PCDHA11: variants seen among roughly 807,000 people sequenced by gnomAD.
The protein encoded by PCDHA11 is protocadherin alpha-11.
A neutral mutation model predicts 70.3 loss-of-function variants in PCDHA11; 61 were observed. That is an observed-to-expected ratio of 0.87 (90% CI 0.71 to 1.07). The LOEUF (loss-of-function observed/expected upper bound fraction) is 1.07, where lower values mean the gene tolerates loss of function less well. Ranked by LOEUF, PCDHA11 falls within the 50% of genes least tolerant of loss-of-function variation. PCDHA11 has a pLI of 0.00. For synonymous variants in PCDHA11, 633 were observed against 555.1 expected (o/e 1.14, Z -1.97); for missense variants, 1,324 against 1,237.5 (o/e 1.07, Z -1.05).
At chr5:140,928,927 G>T (rs1359556123) in intron 1 of PCDHA11, 1 of 1,613,982 alleles carries the variant, frequency 6.2e-7, no homozygotes, top group Non-Finnish European at 8.5e-7. Context: ...GCAGCTTTCT[G>T]CCCAGAACTT....
chr5:140,906,194 A>C (rs543979654), intron 1 of PCDHA11, among the ~76,000 whole-genome samples: 6 of 152,288 alleles, frequency 3.9e-5, no homozygotes, highest in African/African-American at 1.2e-4. Context: ...AATCCAATCA[A>C]GTTGACACTC....
intron 1 of PCDHA11, chr5:140,967,828 CATCGTGG>C: frequency 6.2e-7 from 1 of 1,614,146 alleles, no homozygotes. Flanking sequence ...TGCTGGTGGA[CATCGTGG>C]ACGTGAATGA....
chr5:140,881,269 GAAGT>G (rs1235494766), intron 1 of PCDHA11: 1 of 648,656 alleles, frequency 1.5e-6, no homozygotes, highest in African/African-American at 2.0e-5. Context: ...CAGTGATGAT[GAAGT>G]AAGATGGAGA....
chr5:140,966,945 A>C, intron 1 of PCDHA11: 1 of 1,603,804 alleles, frequency 6.2e-7, no homozygotes, highest in Non-Finnish European at 8.5e-7. Context: ...CTCGTGGGCA[A>C]CGTGGCTCGC....
Position 140,869,913 on chromosome 5 carries a change from C to G in PCDHA11, c.810C>G (p.Asp270Glu). The G allele has an allele frequency of 6.2e-7, 1 of 1,610,754 alleles. No individual in the cohort carries two copies. Among genetic ancestry groups the G allele is most frequent in the Non-Finnish European group, 8.5e-7 (1 of 1,178,352 alleles). The part of the protein sequence containing the change: ...LVLKLNATDR[D>E]EGVNGEVTYS... ...TCAAACTAAACGCCACAGACCGAGA[C>G]GAAGGAGTCAATGGAGAGGTAACAT... Residue 270 changes from aspartate to glutamate, a missense_variant, in exon 1 of 4, where the codon GAC becomes GAG. Coordinates refer to ENST00000398640, the MANE Select transcript of PCDHA11 (RefSeq NM_018902.5).
At chr5:140,967,301 G>T in intron 1 of PCDHA11, 2 of 1,612,148 alleles carry the variant, frequency 1.2e-6, no homozygotes, top group Middle Eastern at 1.7e-4. Flanking sequence ...CGACGTGGGC[G>T]CCAACTCAGT....
In PCDHA11 at chr5:140,923,554, G is replaced by T. The variant is rs117642898; in HGVS notation, c.2391+52060G>T. Among the ~76,000 whole-genome samples the T allele has an allele frequency of 6.2e-4, 95 of 152,226 alleles. No individual in the cohort carries two copies. The East Asian group carries it at 0.017, about 28-fold the overall frequency. On this transcript the variant is annotated intron_variant, in intron 1 of 3. Coordinates refer to ENST00000398640, the MANE Select transcript of PCDHA11 (RefSeq NM_018902.5). ...AAAAAAAGGACAAAATGAAATATCA[G>T]CAATGAAAGGTCCTGCTAAAGAGAA...
At chr5:140,923,826 T>A (rs2081533545) in intron 1 of PCDHA11, among the ~76,000 whole-genome samples, 1 of 152,218 alleles carries the variant, frequency 6.6e-6, no homozygotes, top group East Asian at 1.9e-4. Context: ...TAGACGTCAG[T>A]GGCAGTTTAA....
chr5:140,975,216 G>C (rs1349439819), intron 1 of PCDHA11, among the ~76,000 whole-genome samples: 1 of 152,198 alleles, frequency 6.6e-6, no homozygotes, highest in Admixed American at 6.5e-5. Flanking sequence ...TGGCACTGGA[G>C]AATCTTCCCT....
At chr5:140,969,957 G>A (rs1554232176) in intron 1 of PCDHA11, among the ~76,000 whole-genome samples, 1 of 152,178 alleles carries the variant, frequency 6.6e-6, no homozygotes, top group East Asian at 1.9e-4. Flanking sequence ...AGTTTGCTTT[G>A]GCTGTATGAT....
Position 140,871,274 on chromosome 5 carries a change from C to T in PCDHA11, c.2171C>T (p.Ala724Val), listed in dbSNP as rs1554165360. ...LLLYTALWWS[A>V]TPTEGACAPG... ...CTGTATACGGCGCTGTGGTGGTCGG[C>T]AACGCCCACTGAGGGCGCGTGCGCG... The change falls in exon 1 of 4, where the codon GCA becomes GTA. Residue 724 changes from alanine to valine, a missense_variant. Physicochemically the swap from Ala to Val is moderately conservative, Grantham distance 64. Coordinates refer to ENST00000398640, the MANE Select transcript of PCDHA11 (RefSeq NM_018902.5). The T allele has an allele frequency of 6.2e-7, 1 of 1,613,824 alleles. No homozygotes were observed. The highest frequency in any genetic ancestry group is 2.2e-5 in the East Asian group (1 of 44,892).
At chr5:140,890,226 G>C (rs1339541830) in intron 1 of PCDHA11, among the ~76,000 whole-genome samples, 7 of 152,100 alleles carry the variant, frequency 4.6e-5, no homozygotes, top group Admixed American at 4.6e-4. Context: ...AGACCTAGTT[G>C]TTAAGCATTT....
At chr5:140,917,334 G>T (rs1466426021) in intron 1 of PCDHA11, among the ~76,000 whole-genome samples, 7 of 147,628 alleles carry the variant, frequency 4.7e-5, no homozygotes, top group Admixed American at 4.1e-4. Context: ...CGGGGGAGGG[G>T]GGGGATGGTG....
chr5:140,998,241 T>C (rs1554256206), intron 3 of PCDHA11, among the ~76,000 whole-genome samples: 1 of 152,194 alleles, frequency 6.6e-6, no homozygotes, highest in African/African-American at 2.4e-5. Context: ...TGCATTATTA[T>C]ACTCATTTTA....
At chr5:140,895,843 C>G (rs574376494) in intron 1 of PCDHA11, among the ~76,000 whole-genome samples, 1 of 152,232 alleles carries the variant, frequency 6.6e-6, no homozygotes, top group East Asian at 1.9e-4. Context: ...CAAAGTCTCA[C>G]TCTTGTACCC....
intron 1 of PCDHA11, among the ~76,000 whole-genome samples, chr5:140,891,953 T>G (rs1056816293): frequency 6.6e-6 from 1 of 152,238 alleles, no homozygotes; most frequent in African/African-American, 2.4e-5. Flanking sequence ...GCTCCAGAAT[T>G]GTGAGAAGTA....
intron 1 of PCDHA11, among the ~76,000 whole-genome samples, chr5:140,972,866 G>A (rs1010114234): frequency 6.6e-6 from 1 of 152,046 alleles, no homozygotes; most frequent in Non-Finnish European, 1.5e-5. Context: ...GTTTCATCAT[G>A]TTGTCCAGGA....
chr5:140,876,398 A>C (rs782094508), intron 1 of PCDHA11: 1 of 1,613,962 alleles, frequency 6.2e-7, no homozygotes, highest in South Asian at 1.1e-5. Flanking sequence ...GGTGAACTGG[A>C]TTTTGAAGAG....
intron 1 of PCDHA11, among the ~76,000 whole-genome samples, chr5:140,907,970 A>G (rs1312755290): frequency 6.6e-6 from 1 of 152,158 alleles, no homozygotes; most frequent in African/African-American, 2.4e-5. Context: ...CAATTTTCCA[A>G]TCATGCTTCT....
Sources: allele counts gnomAD v4.1 joint callset (sites outside exome capture counted in the v4.1 genomes callset), GRCh38; gene constraint gnomAD v4.1.1; transcripts MANE v1.5; gene names NCBI Gene and HGNC (gene_info 2026-07-23, HGNC 2026-07-21).